The following PDZD2 variants were observed in gnomAD, a reference collection of about 807,000 sequenced individuals.
PDZD2 encodes the protein PDZ domain containing 2, also known as PDZ domain-containing protein 2.
Under a neutral mutation model 220.7 loss-of-function variants are expected in PDZD2, and 90 were observed. The ratio of observed to expected loss-of-function variants is 0.41; its 90% CI spans 0.34 to 0.49. The LOEUF is 0.49. Ranked by LOEUF, PDZD2 falls within the 20% of genes least tolerant of loss-of-function variation. PDZD2 has a pLI of 0.28. For missense variants in PDZD2, 3,174 were observed against 3,608.5 expected (o/e 0.88, Z 3.08); for synonymous variants, 1,375 against 1,450.5 (o/e 0.95, Z 1.18).
chr5:31,764,112 G>A (rs1486971526), intron 1 of PDZD2, among the ~76,000 whole-genome samples: 3 of 152,034 alleles, frequency 2.0e-5, no homozygotes, highest in African/African-American at 7.2e-5. Flanking sequence ...GGGGACTCAG[G>A]GAACCTGAAA....
rs562567248 is a variant in PDZD2 at position 32,070,191 on chromosome 5, T to G, written c.2533+541T>G. Among the ~76,000 whole-genome samples the G allele has an allele frequency of 5.9e-5, 9 of 152,316 alleles. No individual in the cohort carries two copies. In the South Asian group the frequency reaches 1.7e-3, roughly 28 times the overall value. ...CTTAAAAATAAAGTTTCCTTTAGCA[T>G]GGAAGCCTAAAGGGACTCTTCACAC... On this transcript the variant is annotated intron_variant, in intron 15 of 24. Coordinates refer to ENST00000438447, the MANE Select transcript of PDZD2 (RefSeq NM_178140.4).
chr5:31,816,083 T>A (rs1755430161), intron 2 of PDZD2, among the ~76,000 whole-genome samples: 1 of 151,814 alleles, frequency 6.6e-6, no homozygotes, highest in African/African-American at 2.4e-5. Flanking sequence ...GGTCAGGAGA[T>A]CAAGACCATC....
chr5:31,656,863 C>T (rs1156998299), intron 1 of PDZD2, among the ~76,000 whole-genome samples: 1 of 152,188 alleles, frequency 6.6e-6, no homozygotes, highest in East Asian at 1.9e-4. Context: ...TAGGGCCCCT[C>T]TCTCTCCATT....
rs5867122 is a variant in PDZD2 at position 31,949,838 on chromosome 5, ATTT to A, written c.477-33301_477-33299del. On this transcript the variant is annotated intron_variant, in intron 2 of 24. Transcript: ENST00000438447. ...CAGGCATGCGCTACCACACCAGCTA[ATTT>A]TTTTTTTTTTTTTTTAATTTTTAGT... Among the ~76,000 whole-genome samples the A allele has an allele frequency of 1.4e-4, 19 of 139,442 alleles. No homozygotes were observed. In the South Asian group the frequency reaches 1.4e-3, roughly 11 times the overall value. The allele number at this position is 139,442 out of a possible 152,430, so 91.5% of individuals were successfully genotyped here. A position where few individuals can be genotyped will look rare whatever the true frequency, so the allele number is the denominator to read the frequency against.
chr5:32,077,609 A>G lies in PDZD2; in HGVS notation c.3682+3A>G, dbSNP rs1385858716. 1 of 1,613,976 alleles carries G rather than the reference A, an allele frequency of 6.2e-7. No individual in the cohort carries two copies. The highest frequency in any genetic ancestry group is 8.5e-7 in the Non-Finnish European group (1 of 1,179,942). ...GCTGGGGCAACAACCCATGACTGGT[A>G]AGATTATTTTCCCATTTGTTAATCT... is the stretch of plus-strand genomic sequence containing the variant. On this transcript the variant is annotated splice_donor_region_variant and intron_variant, in intron 19 of 24. Coordinates refer to ENST00000438447, the MANE Select transcript of PDZD2 (RefSeq NM_178140.4).
intron 1 of PDZD2, among the ~76,000 whole-genome samples, chr5:31,782,049 G>T (rs568034250): frequency 6.6e-6 from 1 of 152,266 alleles, no homozygotes; most frequent in South Asian, 2.1e-4. Flanking sequence ...TGGCCCATGG[G>T]TGCTATCTGC....
chr5:31,856,601 C>G (rs1257583657), intron 2 of PDZD2, among the ~76,000 whole-genome samples: 1 of 152,136 alleles, frequency 6.6e-6, no homozygotes, highest in Non-Finnish European at 1.5e-5. Context: ...TGCCTCCTCA[C>G]GTCCCTAAAT....
At chr5:31,766,660 G>C (rs1752031446) in intron 1 of PDZD2, among the ~76,000 whole-genome samples, 1 of 151,982 alleles carries the variant, frequency 6.6e-6, no homozygotes, top group Admixed American at 6.6e-5. Context: ...CCAAAGTGCT[G>C]GGATTACAGG....
At chr5:31,817,693 T>C (rs1755555667) in intron 2 of PDZD2, among the ~76,000 whole-genome samples, 1 of 152,098 alleles carries the variant, frequency 6.6e-6, no homozygotes, top group Non-Finnish European at 1.5e-5. Flanking sequence ...AGACAGAGTC[T>C]CACTGTCTCA....
intron 2 of PDZD2, among the ~76,000 whole-genome samples, chr5:31,952,012 AGGTTTAAACCTTTTTG>A (rs1294635063): frequency 1.3e-5 from 2 of 152,214 alleles, no homozygotes; most frequent in Non-Finnish European, 2.9e-5. Flanking sequence ...ACTTTGAAAC[AGGTTTAAACCTTTTTG>A]GGTTTTGTTC....
At chr5:32,076,038 C>T (rs951480348) in intron 18 of PDZD2, among the ~76,000 whole-genome samples, 1 of 152,128 alleles carries the variant, frequency 6.6e-6, no homozygotes, top group African/African-American at 2.4e-5. Flanking sequence ...GTAATCCCAG[C>T]ACTTTGGGAT....
chr5:32,018,094 G>C (rs893440445), intron 6 of PDZD2, among the ~76,000 whole-genome samples: 1 of 152,212 alleles, frequency 6.6e-6, no homozygotes, highest in Non-Finnish European at 1.5e-5. Flanking sequence ...TGAATGCAGT[G>C]CTAGGAGTTC....
chr5:31,937,140 T>TTGTG (rs1240954574), intron 2 of PDZD2, among the ~76,000 whole-genome samples: 1 of 152,168 alleles, frequency 6.6e-6, no homozygotes, highest in Non-Finnish European at 1.5e-5. Flanking sequence ...GGTTTGGGGC[T>TTGTG]TGTGATAAGA....
intron 2 of PDZD2, among the ~76,000 whole-genome samples, chr5:31,811,457 T>G (rs1755104544): frequency 6.6e-6 from 1 of 152,218 alleles, no homozygotes; most frequent in Non-Finnish European, 1.5e-5. Flanking sequence ...ATTCTATCAT[T>G]TGCAATGTCT....
chr5:31,858,100 AC>A (rs1177072364), intron 2 of PDZD2, among the ~76,000 whole-genome samples: 2 of 152,086 alleles, frequency 1.3e-5, no homozygotes, highest in African/African-American at 4.8e-5. Flanking sequence ...TGCTAGGATT[AC>A]AGGTGTGAGC....
intron 1 of PDZD2, among the ~76,000 whole-genome samples, chr5:31,739,809 A>G (rs1378651336): frequency 6.6e-6 from 1 of 152,216 alleles, no homozygotes; most frequent in African/African-American, 2.4e-5. Flanking sequence ...TGTAGGGTGG[A>G]TGCCTAATGA....
Position 31,849,905 on chromosome 5 carries a change from CATATATATATATACAT to C in PDZD2, c.476+50193_476+50208del, listed in dbSNP as rs1561506917. On this transcript the variant is annotated intron_variant, in intron 2 of 24. Coordinates refer to ENST00000438447, the MANE Select transcript of PDZD2 (RefSeq NM_178140.4). The stretch of plus-strand genomic sequence containing the variant: ...ATATATATACACATATATATATATA[CATATATATATATACAT>C]ATATATATATACACATATATATATA... 2.7e-4 allele frequency among the ~76,000 whole-genome samples: 6 copies of C among 22,068 alleles called. 1 individual carries two copies. The highest frequency in any genetic ancestry group is 4.6e-4 in the Non-Finnish European group (6 of 13,106). The allele number at this position is 22,068 out of a possible 152,430, so 14.5% of individuals were successfully genotyped here. A position where few individuals can be genotyped will look rare whatever the true frequency, so the allele number is the denominator to read the frequency against.
chr5:31,923,414 C>A, intron 2 of PDZD2: 2 of 1,251,794 alleles, frequency 1.6e-6, no homozygotes, highest in Non-Finnish European at 2.3e-6. Context: ...AGCAGCTCTT[C>A]AACGGGGGCC....
chr5:31,984,592 A>G (rs917203299), intron 3 of PDZD2, among the ~76,000 whole-genome samples: 1 of 151,992 alleles, frequency 6.6e-6, no homozygotes, highest in Non-Finnish European at 1.5e-5. Flanking sequence ...CTGTAGTCCC[A>G]GCAGCTTGTG....
Sources: allele counts gnomAD v4.1 joint callset (sites outside exome capture counted in the v4.1 genomes callset), GRCh38; gene constraint gnomAD v4.1.1; transcripts MANE v1.5; gene names NCBI Gene and HGNC (gene_info 2026-07-23, HGNC 2026-07-21).